TENM2: variants seen among roughly 807,000 people sequenced by gnomAD.
TENM2 encodes the protein teneurin-2.
Under a neutral mutation model 245.2 loss-of-function variants are expected in TENM2, and 52 were observed. That is an observed-to-expected ratio of 0.21 (90% CI 0.17 to 0.27). TENM2 has a LOEUF of 0.27. TENM2 is among the 10% of genes least tolerant of loss of function. The probability of loss-of-function intolerance (pLI) is 1.00; values close to 1 mark genes in which losing one functional copy is unlikely to be tolerated. For synonymous variants in TENM2, 1,363 were observed against 1,438.9 expected (o/e 0.95, Z 1.19); for missense variants, 3,046 against 3,666.8 (o/e 0.83, Z 4.37).
chr5:167,690,842 C>T (rs1757376194), intron 2 of TENM2, among the ~76,000 whole-genome samples: 1 of 151,952 alleles, frequency 6.6e-6, no homozygotes. Flanking sequence ...CAATCACACA[C>T]ACATATATGT....
At position 168,247,380 on chromosome 5, in the gene TENM2, G is replaced by A. The variant is rs568393241; in HGVS notation, c.6441G>A (p.Val2147=). The stretch of plus-strand genomic sequence containing the variant: ...TCAACCAGATCATCACCACTGCCGT[G>A]ATGACCCTCAGCAAACACTTCGACA... The change falls in exon 27 of 29, where the codon GTG becomes GTA. Residue 2147 remains valine (V), a synonymous_variant. Transcript: ENST00000518659. This position sits in a 1 kb window ranked among gnomAD's most constrained non-coding sequence, Gnocchi z 7.8. The A allele has an allele frequency of 3.1e-6, 5 of 1,613,956 alleles. No homozygotes were observed. In the East Asian group the frequency reaches 1.1e-4, roughly 36 times the overall value.
At chr5:168,202,341 A>G (rs1342876589) in intron 17 of TENM2, among the ~76,000 whole-genome samples, 1 of 152,016 alleles carries the variant, frequency 6.6e-6, no homozygotes, top group Non-Finnish European at 1.5e-5. Flanking sequence ...TGTTTCTTAA[A>G]TACCATTATG....
intron 25 of TENM2, among the ~76,000 whole-genome samples, chr5:168,237,978 TAA>T (rs974994804): frequency 2.7e-5 from 4 of 150,720 alleles, no homozygotes; most frequent in Admixed American, 1.3e-4. Context: ...CCGTCTCTAC[TAA>T]AAAAATACAA....
intron 2 of TENM2, among the ~76,000 whole-genome samples, chr5:167,606,055 A>C (rs1302514763): frequency 6.6e-6 from 1 of 151,822 alleles, no homozygotes; most frequent in Non-Finnish European, 1.5e-5. Context: ...CCGGACTAAA[A>C]CTCCAGTTCC....
In TENM2 at chr5:168,255,950, C is replaced by A. The variant is rs140720581; in HGVS notation, c.7433-4333C>A. 7.0e-3 allele frequency among the ~76,000 whole-genome samples: 1,059 copies of A among 151,818 alleles called. 15 individuals are homozygous for A. Among genetic ancestry groups the A allele is most frequent in the African/African-American group, 0.025 (1,024 of 41,386 alleles). On this transcript the variant is annotated intron_variant, in intron 27 of 28. Transcript: ENST00000518659. ...CCTCCTGAGTAGCTGGGATTACAGG[C>A]AGGCGCCACCATGCCATGCTAATTT... is the stretch of plus-strand genomic sequence containing the variant.
At chr5:168,050,901 A>G (rs1176714674) in intron 6 of TENM2, among the ~76,000 whole-genome samples, 2 of 152,206 alleles carry the variant, frequency 1.3e-5, no homozygotes. Flanking sequence ...CTTTCACATC[A>G]AGAAGAGGGA....
the TENM2 span, among the ~76,000 whole-genome samples, chr5:167,142,546 T>C: frequency 6.6e-6 from 1 of 152,040 alleles, no homozygotes; most frequent in Admixed American, 6.6e-5. Flanking sequence ...TCTATGTATA[T>C]GCAATCTCAA....
chr5:167,281,341 T>A (rs2127702679), upstream of TENM2, among the ~76,000 whole-genome samples: 1 of 151,244 alleles, frequency 6.6e-6, no homozygotes, highest in Non-Finnish European at 1.5e-5. Flanking sequence ...GGTCTTGAAC[T>A]CCTAACCTCG....
chr5:167,398,588 C>A (rs887553380), intron 2 of TENM2, among the ~76,000 whole-genome samples: 1 of 151,962 alleles, frequency 6.6e-6, no homozygotes, highest in Non-Finnish European at 1.5e-5. Context: ...TACAGGCATG[C>A]ACCACCATGC....
chr5:168,062,033 G>A (rs1409196318), intron 6 of TENM2, 27 bp from the exon 9 acceptor site: 3 of 1,556,924 alleles, frequency 1.9e-6, no homozygotes, highest in Non-Finnish European at 2.6e-6. Context: ...GTCATTGACT[G>A]CTGTTTATTC....
At chr5:167,702,473 C>T (rs559273284) in intron 2 of TENM2, among the ~76,000 whole-genome samples, 77 of 149,850 alleles carry the variant, frequency 5.1e-4, no homozygotes, top group African/African-American at 1.7e-3. Flanking sequence ...CTCTATGGGG[C>T]CAGATTACTC....
chr5:167,794,708 A>G (rs994666920), intron 2 of TENM2, among the ~76,000 whole-genome samples: 5 of 152,234 alleles, frequency 3.3e-5, no homozygotes, highest in African/African-American at 1.2e-4. Flanking sequence ...TGTGGAAAAG[A>G]AAAAGCTGCA....
At chr5:167,316,021 A>G (rs1756343392) in intron 1 of TENM2, among the ~76,000 whole-genome samples, 2 of 152,114 alleles carry the variant, frequency 1.3e-5, no homozygotes, top group Admixed American at 1.3e-4. Context: ...CTCTGCTCAA[A>G]CATTATCTCT....
chr5:167,079,098 T>C, the TENM2 span, among the ~76,000 whole-genome samples: 1 of 152,086 alleles, frequency 6.6e-6, no homozygotes, highest in Non-Finnish European at 1.5e-5. Flanking sequence ...CCTCTGCACA[T>C]GTCCATGAAT....
At chr5:167,732,764 T>C (rs1231506652) in intron 2 of TENM2, among the ~76,000 whole-genome samples, 1 of 152,194 alleles carries the variant, frequency 6.6e-6, no homozygotes, top group Non-Finnish European at 1.5e-5. Flanking sequence ...ATGGGGAAGC[T>C]CTGAACCAAT....
chr5:167,865,261 T>C (rs1159053448), intron 2 of TENM2, among the ~76,000 whole-genome samples: 1 of 152,148 alleles, frequency 6.6e-6, no homozygotes, highest in Non-Finnish European at 1.5e-5. Flanking sequence ...AAGAGTGGAA[T>C]TGAATTTCTC....
chr5:167,466,643 A>G (rs1166097995), intron 2 of TENM2, among the ~76,000 whole-genome samples: 2 of 152,202 alleles, frequency 1.3e-5, no homozygotes, highest in East Asian at 1.9e-4. Context: ...TAAAGTTTTC[A>G]TTTATAAATG....
chr5:167,383,074 C>T (rs750922411), intron 2 of TENM2, among the ~76,000 whole-genome samples: 4 of 152,046 alleles, frequency 2.6e-5, no homozygotes, highest in South Asian at 4.2e-4. Flanking sequence ...CTGCATTGGA[C>T]GAAGCCATTG....
At chr5:168,068,843 GTT>G (rs1391965023) in intron 7 of TENM2, among the ~76,000 whole-genome samples, 2 of 55,400 alleles carry the variant, frequency 3.6e-5, no homozygotes, top group Admixed American at 1.7e-4. Context: ...ATCTCTGTGT[GTT>G]TGTGTGTGTG....
Sources: gnomAD v4.1 joint callset for allele counts (sites outside exome capture counted in the v4.1 genomes callset) on GRCh38, gnomAD v4.1.1 for gene constraint, Gnocchi (gnomAD v3.1) non-coding constraint, MANE v1.5 for transcripts, NCBI Gene and HGNC (gene_info 2026-07-23, HGNC 2026-07-21) for gene names.